Variants in NKAIN2 observed in about 807,000 individuals in gnomAD.
NKAIN2 encodes the protein sodium/potassium-transporting ATPase subunit beta-1-interacting protein 2.
A neutral mutation model predicts 32.6 loss-of-function variants in NKAIN2; 14 were observed. The ratio of observed to expected loss-of-function variants is 0.43; its 90% CI spans 0.28 to 0.67. The LOEUF is 0.67. Ranked by LOEUF, NKAIN2 falls within the 30% of genes least tolerant of loss-of-function variation. The pLI, the probability that NKAIN2 is intolerant of heterozygous loss-of-function variation, is 0.17. For missense variants in NKAIN2, 198 were observed against 258.3 expected (o/e 0.77, Z 1.60); for synonymous variants, 80 against 87.2 (o/e 0.92, Z 0.46).
rs367935233 is a variant in NKAIN2, at chr6:123,900,387, C to G, written c.54+96133C>G. On this transcript the variant is annotated intron_variant, in intron 1 of 6. Transcript: ENST00000368417. The stretch of plus-strand genomic sequence containing the variant: ...ACTTGGGAGGCTGAGGTCGGACAAT[C>G]GCTTGAACCCGGGAGGCGGAGGTTG... Among the ~76,000 whole-genome samples the G allele has an allele frequency of 4.6e-5, 7 of 151,874 alleles. No individual in the cohort carries two copies. In the East Asian group the frequency reaches 7.8e-4, roughly 17 times the overall value.
At chr6:124,806,084 A>C (rs1364342926) in intron 5 of NKAIN2, among the ~76,000 whole-genome samples, 4 of 152,192 alleles carry the variant, frequency 2.6e-5, no homozygotes, top group Admixed American at 1.3e-4. Flanking sequence ...TATCCAGGAG[A>C]ACTTCTCCAA....
chr6:123,896,786 G>A (rs528132203), intron 1 of NKAIN2, among the ~76,000 whole-genome samples: 1 of 152,230 alleles, frequency 6.6e-6, no homozygotes, highest in East Asian at 1.9e-4. Flanking sequence ...AGTTTCAGAT[G>A]TAAGAATTCT....
intron 5 of NKAIN2, among the ~76,000 whole-genome samples, chr6:124,798,540 G>A (rs1284329464): frequency 2.0e-5 from 3 of 152,050 alleles, no homozygotes; most frequent in Non-Finnish European, 4.4e-5. Flanking sequence ...CTCTCACTAT[G>A]CCTACAGAAT....
chr6:124,036,805 C>T (rs958312695), intron 1 of NKAIN2, among the ~76,000 whole-genome samples: 23 of 152,086 alleles, frequency 1.5e-4, no homozygotes, highest in Middle Eastern at 3.2e-3. Flanking sequence ...CTAATGAAAG[C>T]ATTACAAAGA....
At chr6:124,526,576 T>C (rs1373366906) in intron 3 of NKAIN2, among the ~76,000 whole-genome samples, 1 of 152,166 alleles carries the variant, frequency 6.6e-6, no homozygotes, top group East Asian at 1.9e-4. Flanking sequence ...AACTTAATCA[T>C]GGGTTATCTC....
At chr6:124,443,647 G>A (rs1469440413) in intron 3 of NKAIN2, among the ~76,000 whole-genome samples, 2 of 152,028 alleles carry the variant, frequency 1.3e-5, no homozygotes, top group Non-Finnish European at 2.9e-5. Flanking sequence ...TCCTTACAGG[G>A]TGAGATACTG....
At chr6:124,772,648 A>G (rs760081366) in intron 4 of NKAIN2, among the ~76,000 whole-genome samples, 2 of 152,216 alleles carry the variant, frequency 1.3e-5, no homozygotes, top group Non-Finnish European at 2.9e-5. Context: ...TCTCACTAAA[A>G]TGATCTCCAA....
intron 3 of NKAIN2, among the ~76,000 whole-genome samples, chr6:124,580,832 G>T (rs937118839): frequency 6.6e-6 from 1 of 151,732 alleles, no homozygotes; most frequent in African/African-American, 2.4e-5. Flanking sequence ...CCATGGAAAT[G>T]GAAACAAACC....
At chr6:124,747,973 A>G (rs1279144333) in intron 4 of NKAIN2, among the ~76,000 whole-genome samples, 1 of 151,942 alleles carries the variant, frequency 6.6e-6, no homozygotes, top group African/African-American at 2.4e-5. Flanking sequence ...CCAGTCCGTC[A>G]CAATGAATGT....
chr6:124,011,282 A>C (rs941100553), intron 1 of NKAIN2, among the ~76,000 whole-genome samples: 1 of 151,906 alleles, frequency 6.6e-6, no homozygotes, highest in Admixed American at 6.6e-5. Context: ...TATTTTTTAC[A>C]TGCCCAACTG....
At chr6:123,947,706 G>T (rs781440055) in intron 1 of NKAIN2, among the ~76,000 whole-genome samples, 28 of 152,126 alleles carry the variant, frequency 1.8e-4, no homozygotes, top group Admixed American at 1.3e-4. Flanking sequence ...ATTAAGTCAT[G>T]ATATTTTGGG....
At chr6:124,415,857 TTA>T (rs1475509836) in intron 3 of NKAIN2, among the ~76,000 whole-genome samples, 2 of 148,996 alleles carry the variant, frequency 1.3e-5, no homozygotes, top group Non-Finnish European at 3.0e-5. Flanking sequence ...GCTTTTTTTT[TTA>T]ATTTGCTTTT....
At chr6:124,248,705 T>C (rs942037047) in intron 1 of NKAIN2, among the ~76,000 whole-genome samples, 1 of 152,120 alleles carries the variant, frequency 6.6e-6, no homozygotes, top group African/African-American at 2.4e-5. Flanking sequence ...AACCATATTT[T>C]ATAAATCTTA....
At chr6:123,980,435 A>C (rs546573807) in intron 1 of NKAIN2, among the ~76,000 whole-genome samples, 1 of 152,204 alleles carries the variant, frequency 6.6e-6, no homozygotes, top group Non-Finnish European at 1.5e-5. Context: ...TCAATTATAC[A>C]TTACTAATGG....
chr6:123,858,509 A>G (rs1478242341), intron 1 of NKAIN2, among the ~76,000 whole-genome samples: 1 of 152,236 alleles, frequency 6.6e-6, no homozygotes, highest in Non-Finnish European at 1.5e-5. Flanking sequence ...TTCCAAATAC[A>G]TATTTACATT....
intron 1 of NKAIN2, among the ~76,000 whole-genome samples, chr6:124,211,250 A>G (rs1791159183): frequency 6.6e-6 from 1 of 151,932 alleles, no homozygotes; most frequent in African/African-American, 2.4e-5. Context: ...ATAATTTTAA[A>G]AAGATTATAT....
intron 4 of NKAIN2, among the ~76,000 whole-genome samples, chr6:124,720,791 A>G (rs1282939784): frequency 3.3e-5 from 5 of 152,192 alleles, no homozygotes; most frequent in Non-Finnish European, 5.9e-5. Flanking sequence ...CATTTGGTGA[A>G]AAGAATGGGA....
chr6:124,119,760 A>G (rs1256200398), intron 1 of NKAIN2, among the ~76,000 whole-genome samples: 2 of 152,206 alleles, frequency 1.3e-5, no homozygotes, highest in Non-Finnish European at 2.9e-5. Flanking sequence ...TGAGCAAGGC[A>G]TGTGGCCTCC....
chr6:124,124,461 T>TC, intron 1 of NKAIN2, among the ~76,000 whole-genome samples: 1 of 152,182 alleles, frequency 6.6e-6, no homozygotes, highest in Non-Finnish European at 1.5e-5. Context: ...TTATGAATAA[T>TC]AGTCCTGCAG....
Sources: gnomAD v4.1 joint callset for allele counts (sites outside exome capture counted in the v4.1 genomes callset) on GRCh38, gnomAD v4.1.1 for gene constraint, MANE v1.5 for transcripts, NCBI Gene and HGNC (gene_info 2026-07-23, HGNC 2026-07-21) for gene names.